The following ELMO1 variants were observed in gnomAD, a reference collection of about 807,000 sequenced individuals.
ELMO1 encodes engulfment and cell motility 1.
In ELMO1, 26 loss-of-function variants were observed where a neutral mutation model predicts 98.9. The ratio of observed to expected loss-of-function variants is 0.26; its 90% CI spans 0.19 to 0.36. The LOEUF is 0.36. Ranked by LOEUF, ELMO1 falls within the 10% of genes least tolerant of loss-of-function variation. The pLI is 1.00. For missense variants in ELMO1, 627 were observed against 935.2 expected (o/e 0.67, Z 4.30); for synonymous variants, 346 against 346.0 (o/e 1.00, Z 0.00).
intron 15 of ELMO1, among the ~76,000 whole-genome samples, chr7:37,063,214 A>G (rs2129215787): frequency 6.6e-6 from 1 of 152,092 alleles, no homozygotes; most frequent in East Asian, 1.9e-4. Flanking sequence ...ATTCAAATGG[A>G]TGCTCACACC....
chr7:37,274,044 C>T (rs961155831), intron 4 of ELMO1, among the ~76,000 whole-genome samples: 2 of 152,176 alleles, frequency 1.3e-5, no homozygotes, highest in Non-Finnish European at 2.9e-5. Context: ...TGCAATTCAG[C>T]CCAGTGTAGA....
At chr7:36,917,067 C>T (rs1439047718) in intron 16 of ELMO1, among the ~76,000 whole-genome samples, 1 of 152,190 alleles carries the variant, frequency 6.6e-6, no homozygotes, top group Non-Finnish European at 1.5e-5. Flanking sequence ...TTTTTGAGAT[C>T]TCTGATTAAA....
At chr7:37,022,929 G>T (rs1584528285) in intron 15 of ELMO1, among the ~76,000 whole-genome samples, 2 of 152,174 alleles carry the variant, frequency 1.3e-5, no homozygotes, top group African/African-American at 4.8e-5. Flanking sequence ...CATACAATAT[G>T]AGTGTATTCA....
chr7:36,961,858 C>T (rs923425151), intron 16 of ELMO1, among the ~76,000 whole-genome samples: 5 of 152,166 alleles, frequency 3.3e-5, no homozygotes, highest in African/African-American at 1.2e-4. Flanking sequence ...TGTGGCCAGG[C>T]ATGTAAATAG....
chr7:37,048,344 C>T (rs1795915152), intron 15 of ELMO1, among the ~76,000 whole-genome samples: 1 of 152,062 alleles, frequency 6.6e-6, no homozygotes, highest in Admixed American at 6.5e-5. Flanking sequence ...ACCAATTACG[C>T]ACTTATAAAA....
At chr7:37,217,342 G>C (rs1188921574) in intron 10 of ELMO1, among the ~76,000 whole-genome samples, 1 of 152,176 alleles carries the variant, frequency 6.6e-6, no homozygotes, top group African/African-American at 2.4e-5. Flanking sequence ...ATGATGCACA[G>C]AGTCCCTTTA....
intron 16 of ELMO1, among the ~76,000 whole-genome samples, chr7:36,972,255 T>C (rs1349682660): frequency 6.6e-6 from 1 of 152,194 alleles, no homozygotes; most frequent in Admixed American, 6.5e-5. Context: ...TGACCTTAAT[T>C]GCTCTTACGG....
At chr7:37,132,716 C>T (rs543514308) in intron 14 of ELMO1, among the ~76,000 whole-genome samples, 57 of 152,312 alleles carry the variant, frequency 3.7e-4, no homozygotes, top group African/African-American at 1.3e-3. Context: ...CATTTCTCTG[C>T]CTTCCCCATC....
chr7:37,443,852 C>T (rs555623711), intron 1 of ELMO1, among the ~76,000 whole-genome samples: 114 of 152,318 alleles, frequency 7.5e-4, no homozygotes, highest in Middle Eastern at 3.4e-3. Flanking sequence ...GAGCCACACC[C>T]TGTGGAATGA....
chr7:37,163,822 G>C (rs2129332090), intron 13 of ELMO1, among the ~76,000 whole-genome samples: 2 of 152,316 alleles, frequency 1.3e-5, no homozygotes, highest in African/African-American at 4.8e-5. Context: ...CTTTATAGCA[G>C]CATGACTTAT....
At chr7:37,423,474 G>A (rs1232895491) in intron 1 of ELMO1, among the ~76,000 whole-genome samples, 1 of 152,196 alleles carries the variant, frequency 6.6e-6, no homozygotes. Context: ...CAGCTATTCG[G>A]GAGGCTGAGG....
chr7:37,414,583 G>A (rs10278983), intron 1 of ELMO1, among the ~76,000 whole-genome samples: 4,576 of 152,236 alleles, frequency 0.03, 235 homozygotes, highest in African/African-American at 0.1. Flanking sequence ...CTGCCCTGTG[G>A]CCAACTCCAA....
chr7:37,268,404 C>T (rs1796372518), intron 5 of ELMO1, among the ~76,000 whole-genome samples: 1 of 152,178 alleles, frequency 6.6e-6, no homozygotes, highest in African/African-American at 2.4e-5. Flanking sequence ...TGGGTTCAAG[C>T]AATTCTCTGC....
Position 37,013,341 on chromosome 7 carries a change from C to T in ELMO1, c.1395G>A (p.Lys465=). The T allele has an allele frequency of 6.2e-7, 1 of 1,614,094 alleles. No individual in the cohort carries two copies. The highest frequency in any genetic ancestry group is 8.5e-7 in the Non-Finnish European group (1 of 1,180,010). Residue 465 remains lysine, a synonymous_variant, in exon 16 of 22, where the codon AAG becomes AAA. Transcript: ENST00000310758. ...AAGTTGCCCTCATTTCCTTCCATGT[C>T]TTGTTCAGGAGCTGGATACAGATGC... is the stretch of plus-strand genomic sequence containing the variant. ...FFCICIQLLN[K]TWKEMRATSE...
intron 16 of ELMO1, among the ~76,000 whole-genome samples, chr7:36,947,223 T>C (rs1479582217): frequency 6.6e-6 from 1 of 152,218 alleles, no homozygotes; most frequent in Non-Finnish European, 1.5e-5. Context: ...CATGCGGTAT[T>C]TGATTTTGTT....
At chr7:37,000,800 A>T (rs1792612191) in intron 16 of ELMO1, among the ~76,000 whole-genome samples, 1 of 152,084 alleles carries the variant, frequency 6.6e-6, no homozygotes, top group Non-Finnish European at 1.5e-5. Flanking sequence ...ACTGGCCTGG[A>T]AACAAGGCTA....
Position 36,960,606 on chromosome 7 carries a change from C to A in ELMO1, c.1437+52693G>T, listed in dbSNP as rs575034772. Among the ~76,000 whole-genome samples, 152 of 152,124 alleles carry A rather than the reference C, an allele frequency of 1.0e-3. 1 individual carries two copies. The highest frequency in any genetic ancestry group is 5.6e-4 in the Non-Finnish European group (38 of 68,000). On this transcript the variant is annotated intron_variant, in intron 16 of 21. Transcript: ENST00000310758. The stretch of plus-strand genomic sequence containing the variant: ...TGAAGAAGCAGCCCCCCATCCCCCC[C>A]ACTCACTCACCCCTTAAACCTTCTT...
At chr7:37,425,735 G>T (rs181976587) in intron 1 of ELMO1, among the ~76,000 whole-genome samples, 5 of 152,330 alleles carry the variant, frequency 3.3e-5, no homozygotes, top group African/African-American at 9.6e-5. Context: ...AAATGTCATG[G>T]GTTTTATTGG....
chr7:37,169,359 C>T (rs1016189383), intron 13 of ELMO1, among the ~76,000 whole-genome samples: 3 of 152,198 alleles, frequency 2.0e-5, no homozygotes, highest in African/African-American at 7.2e-5. Flanking sequence ...GACCTGCGCC[C>T]ACTGTCTGGC....
Sources: gnomAD v4.1 joint callset for allele counts (sites outside exome capture counted in the v4.1 genomes callset) on GRCh38, gnomAD v4.1.1 for gene constraint, MANE v1.5 for transcripts, NCBI Gene and HGNC (gene_info 2026-07-23, HGNC 2026-07-21) for gene names.